ADGRV1: variants seen among roughly 807,000 people sequenced by gnomAD.
ADGRV1 encodes adhesion G protein-coupled receptor V1, also known as G-protein coupled receptor 98.
In ADGRV1, 359 loss-of-function variants were observed where a neutral mutation model predicts 596.2. The observed-to-expected ratio is 0.60, with a 90% CI of 0.55 to 0.66. The LOEUF (loss-of-function observed/expected upper bound fraction) is 0.66. ADGRV1 is among the 30% of genes least tolerant of loss of function. The pLI is 0.00. For missense variants in ADGRV1, 7,274 were observed against 7,575.6 expected (o/e 0.96, Z 1.48); for synonymous variants, 2,681 against 2,679.2 (o/e 1.00, Z -0.02).
intron 80 of ADGRV1, 45 bp downstream of exon 80, chr5:90,853,578 T>G (rs1361110524): frequency 6.4e-7 from 1 of 1,565,604 alleles, no homozygotes; most frequent in Non-Finnish European, 8.7e-7. Flanking sequence ...ATCTGATTTA[T>G]TTCTTTAGCA....
At chr5:90,759,354 A>G (rs1346118731) in intron 57 of ADGRV1, 55 bp from the exon 58 acceptor site, 29 of 1,258,288 alleles carry the variant, frequency 2.3e-5, no homozygotes, top group Non-Finnish European at 3.1e-5. Flanking sequence ...CTCATTTCCT[A>G]TCTTCCTCCT....
chr5:90,610,685 CTAATA>C (rs1762630291), intron 1 of ADGRV1, among the ~76,000 whole-genome samples: 1 of 151,878 alleles, frequency 6.6e-6, no homozygotes, highest in Non-Finnish European at 1.5e-5. Context: ...TTTGTTTATC[CTAATA>C]TGAGTTTGCA....
At chr5:90,623,172 A>C (rs1764315970) in intron 5 of ADGRV1, among the ~76,000 whole-genome samples, 1 of 152,220 alleles carries the variant, frequency 6.6e-6, no homozygotes, top group African/African-American at 2.4e-5. Context: ...GATCTGATAC[A>C]TTTCATGATT....
intron 83 of ADGRV1, among the ~76,000 whole-genome samples, chr5:90,880,780 G>C (rs1459201524): frequency 3.3e-5 from 5 of 152,172 alleles, no homozygotes; most frequent in Non-Finnish European, 7.4e-5. Context: ...CAATATGTCA[G>C]CTTTCTGGAG....
In ADGRV1 at chr5:90,684,045, C is replaced by T; in HGVS notation, c.6124C>T (p.Pro2042Ser). ...ARATQGRDYIPASGFALFGAN... is the reference protein window; with the variant it reads ...ARATQGRDYISASGFALFGAN... The stretch of plus-strand genomic sequence containing the variant: ...AGCAACTCAAGGAAGAGACTATATA[C>T]CAGCTTCTGGATTTGCTCTTTTTGG... The change falls in exon 28 of 90, where the codon CCA becomes TCA. Residue 2042 changes from proline to serine, a missense_variant. By Grantham distance (74) the Pro-to-Ser change is moderately conservative. Transcript: ENST00000405460. 1 of 1,613,888 alleles carries T rather than the reference C, an allele frequency of 6.2e-7. No individual in the cohort carries two copies. The highest frequency in any genetic ancestry group is 8.5e-7 in the Non-Finnish European group (1 of 1,179,870).
chr5:91,026,280 A>G (rs1052356122), intron 85 of ADGRV1, among the ~76,000 whole-genome samples: 1 of 152,164 alleles, frequency 6.6e-6, no homozygotes, highest in Non-Finnish European at 1.5e-5. Flanking sequence ...GGAAATATGA[A>G]ATATTTCATT....
At chr5:91,072,787 C>A (rs987943239) in intron 86 of ADGRV1, among the ~76,000 whole-genome samples, 183 bp downstream of exon 86, 18 of 152,174 alleles carry the variant, frequency 1.2e-4, no homozygotes, top group African/African-American at 4.3e-4. Context: ...TCCCTTTCTT[C>A]AGGGCTCTGT....
rs866093085 is a variant in ADGRV1, at chr5:90,765,429, C to A, written c.12285+1960C>A. On this transcript the variant is annotated intron_variant, in intron 59 of 89. Transcript: ENST00000405460. ...GCATGATGGGGGGAAAAATCACAGA[C>A]CACACACACACACACACACACACAC... Among the ~76,000 whole-genome samples the A allele has an allele frequency of 7.3e-5, 10 of 136,358 alleles. No individual in the cohort carries two copies. The South Asian group carries it at 1.5e-3, about 20-fold the overall frequency. 89.5% of individuals were successfully genotyped at this position (136,358 alleles called of 152,430 possible).
At chr5:90,628,954 C>A in intron 8 of ADGRV1, 122 bp downstream of exon 8, 1 of 905,196 alleles carries the variant, frequency 1.1e-6, no homozygotes. Flanking sequence ...ACTGGCTTTG[C>A]AAATGATAGT....
chr5:90,614,361 A>C (rs1425919201), intron 1 of ADGRV1: 2 of 264,654 alleles, frequency 7.6e-6, no homozygotes, highest in South Asian at 7.3e-5. Context: ...ATTCTCAAAG[A>C]AGACAAGTTT....
intron 85 of ADGRV1, among the ~76,000 whole-genome samples, chr5:91,069,795 G>A (rs963667557): frequency 3.3e-5 from 5 of 152,038 alleles, no homozygotes; most frequent in African/African-American, 1.2e-4. Context: ...TATCAAAAAA[G>A]ACACAAGTAC....
At chr5:90,869,026 G>C (rs940431280) in intron 83 of ADGRV1, among the ~76,000 whole-genome samples, 1 of 152,018 alleles carries the variant, frequency 6.6e-6, no homozygotes, top group African/African-American at 2.4e-5. Context: ...GAAATACCAA[G>C]CAAGATGCAT....
intron 85 of ADGRV1, among the ~76,000 whole-genome samples, chr5:91,056,548 C>T (rs1029511850): frequency 6.6e-6 from 1 of 152,068 alleles, no homozygotes; most frequent in Non-Finnish European, 1.5e-5. Flanking sequence ...GCTCATGAGG[C>T]ACCCACTTAT....
At chr5:90,680,659 A>G (rs1162776978) in intron 26 of ADGRV1, among the ~76,000 whole-genome samples, 1 of 152,194 alleles carries the variant, frequency 6.6e-6, no homozygotes, top group East Asian at 1.9e-4. Flanking sequence ...CCTAACTTCC[A>G]TCAGTGCCTA....
At chr5:91,081,914 A>G (rs1456966745) in intron 86 of ADGRV1, among the ~76,000 whole-genome samples, 1 of 152,262 alleles carries the variant, frequency 6.6e-6, no homozygotes, top group African/African-American at 2.4e-5. Flanking sequence ...TTCTGATAAA[A>G]CTTGACTTAA....
At chr5:90,861,434 C>T (rs1384351382) in intron 82 of ADGRV1, among the ~76,000 whole-genome samples, 1 of 151,926 alleles carries the variant, frequency 6.6e-6, no homozygotes, top group Non-Finnish European at 1.5e-5. Context: ...CTCAGCCTCC[C>T]GGGTAGCTGG....
chr5:91,067,947 T>C (rs1329652083), intron 85 of ADGRV1, among the ~76,000 whole-genome samples: 1 of 152,194 alleles, frequency 6.6e-6, no homozygotes, highest in African/African-American at 2.4e-5. Context: ...TTTTATTTAA[T>C]CATGTGCCCT....
chr5:90,853,169 G>A lies in ADGRV1; in HGVS notation c.17205-115G>A, dbSNP rs528159454. On this transcript the variant is annotated intron_variant, in intron 79 of 89. Coordinates refer to ENST00000405460, the MANE Select transcript of ADGRV1 (RefSeq NM_032119.4). ...TATTTACTGCTTCTGGGTTTGTTGT[G>A]TTATTGTTATACATGAAGAATAGAA... 1.2e-5 allele frequency: 12 copies of A among 983,018 alleles called. 1 individual carries two copies. The South Asian group carries it at 2.4e-4, about 20-fold the overall frequency. 60.9% of individuals were successfully genotyped at this position (983,018 alleles called of 1,614,324 possible). A position where few individuals can be genotyped will look rare whatever the true frequency, so the allele number is the denominator to read the frequency against.
chr5:91,101,114 C>T (rs1040129165), intron 86 of ADGRV1, among the ~76,000 whole-genome samples: 40 of 152,188 alleles, frequency 2.6e-4, no homozygotes, highest in African/African-American at 9.2e-4. Context: ...AATTTGATGG[C>T]ATCATGTTTA....
Sources: allele counts gnomAD v4.1 joint callset (sites outside exome capture counted in the v4.1 genomes callset), GRCh38; gene constraint gnomAD v4.1.1; transcripts MANE v1.5; gene names NCBI Gene and HGNC (gene_info 2026-07-23, HGNC 2026-07-21).